POLR1C: variants seen among roughly 807,000 people sequenced by gnomAD.
POLR1C encodes RNA polymerase I and III subunit C.
POLR1C carries 42 observed loss-of-function variants against 38.3 expected under a neutral mutation model. The ratio of observed to expected loss-of-function variants is 1.10; its 90% CI spans 0.86 to 1.42. The LOEUF (loss-of-function observed/expected upper bound fraction) is 1.42, where lower values mean the gene tolerates loss of function less well. POLR1C is among the 40% of genes most tolerant of loss of function. POLR1C has a pLI of 0.00. For synonymous variants in POLR1C, 163 were observed against 163.9 expected (o/e 0.99, Z 0.04); for missense variants, 507 against 450.5 (o/e 1.13, Z -1.14).
At chr6:43,555,785 T>C in intron 10 of POLR1C, 1 of 1,609,350 alleles carries the variant, frequency 6.2e-7, no homozygotes, top group Non-Finnish European at 8.5e-7. Flanking sequence ...TATATATAGT[T>C]TTGATACTGT....
At chr6:43,562,136 GC>G in exon 11 of POLR1C, 1 of 728,180 alleles carries the variant, frequency 1.4e-6, no homozygotes, top group Non-Finnish European at 2.3e-6. Context: ...GTATGGCACT[GC>G]CCCATCAGGC....
chr6:43,524,399 C>T, downstream of POLR1C: 1 of 1,515,902 alleles, frequency 6.6e-7, no homozygotes, highest in South Asian at 1.3e-5. Flanking sequence ...ATAACTACAG[C>T]TGGTTTATGG....
chr6:43,534,069 T>C (rs1043101675), downstream of POLR1C: 11 of 1,344,472 alleles, frequency 8.2e-6, no homozygotes, highest in African/African-American at 1.6e-4. Context: ...GAGTGGGTTT[T>C]GCTTGTAATC....
Position 43,521,445 on chromosome 6 carries a change from G to A in POLR1C, c.*145G>A. On this transcript the variant is annotated 3_prime_UTR_variant, in exon 9 of 9. Transcript: ENST00000642195. ...TTAATCAATACATTTTGTTAAATGT[G>A]CCATAAAATGAGACTTTTTACGCCT... 2.0e-6 allele frequency: 3 copies of A among 1,518,894 alleles called. No homozygotes were observed. Among genetic ancestry groups the A allele is most frequent in the Non-Finnish European group, 1.8e-6 (2 of 1,135,502 alleles). The allele number at this position is 1,518,894 out of a possible 1,614,324, so 94.1% of individuals were successfully genotyped here. A position where few individuals can be genotyped will look rare whatever the true frequency, so the allele number is the denominator to read the frequency against.
At chr6:43,539,728 TACATTTTTCTATTCTTGGG>T in intron 9 of POLR1C, 1 of 622,076 alleles carries the variant, frequency 1.6e-6, no homozygotes, top group Non-Finnish European at 2.8e-6. Context: ...GAGAAGAAGC[TACATTTTTCTATTCTTGGG>T]AATAGTTTGT....
At chr6:43,522,802 G>C (rs79440262), downstream of POLR1C, 1 of 401,788 alleles carries the variant, frequency 2.5e-6, no homozygotes, top group Non-Finnish European at 5.5e-6. Flanking sequence ...TCTGCCTTAC[G>C]GCCAGTAATA....
In POLR1C at chr6:43,517,402, G is replaced by A. The variant is rs746435353; in HGVS notation, c.141+25G>A. 6.2e-6 allele frequency: 10 copies of A among 1,605,792 alleles called. No individual in the cohort carries two copies. The East Asian group carries it at 1.3e-4, about 21-fold the overall frequency. ...GGTAAGTGGGGCCGGAGTTGTCTGG[G>A]GAGGGTTATGAAGGCCAGACCTTGT... On this transcript the variant is annotated intron_variant, in intron 2 of 8. Transcript: ENST00000642195.
downstream of POLR1C, chr6:43,525,032 C>T (rs1036427409): frequency 1.9e-6 from 3 of 1,589,672 alleles, no homozygotes; most frequent in Non-Finnish European, 2.6e-6. Context: ...CACCCCAGTT[C>T]TTCTGAATGA....
chr6:43,546,763 A>G (rs1403217494), intron 9 of POLR1C: 5 of 1,555,878 alleles, frequency 3.2e-6, no homozygotes, highest in Admixed American at 2.2e-5. Context: ...CTATAGAAAA[A>G]TAAGAATGAC....
At chr6:43,525,554 A>G (rs1793531951), downstream of POLR1C, 4 of 526,004 alleles carry the variant, frequency 7.6e-6, no homozygotes, top group Non-Finnish European at 3.4e-6. Flanking sequence ...CTGTATGTGT[A>G]GGATGGAGAC....
intron 9 of POLR1C, chr6:43,538,733 T>A: frequency 2.0e-6 from 1 of 510,714 alleles, no homozygotes. Context: ...TCAAAATAAA[T>A]AAGCCTCATA....
At chr6:43,541,494 G>GA in intron 9 of POLR1C, among the ~76,000 whole-genome samples, 1 of 152,154 alleles carries the variant, frequency 6.6e-6, no homozygotes, top group South Asian at 2.1e-4. Context: ...TACTTTCAAA[G>GA]GGTTGCATAA....
At chr6:43,547,388 C>A (rs1399580571) in intron 9 of POLR1C, 3 of 629,632 alleles carry the variant, frequency 4.8e-6, no homozygotes, top group Admixed American at 4.6e-5. Context: ...ATCCTTAAAG[C>A]CAAAATAATG....
exon 11 of POLR1C, chr6:43,562,033 G>A (rs776048432): frequency 7.4e-6 from 3 of 405,800 alleles, no homozygotes; most frequent in East Asian, 7.9e-5. Flanking sequence ...GATATCTGAC[G>A]TTGGTATAAC....
downstream of POLR1C, chr6:43,531,663 G>T: frequency 8.6e-7 from 1 of 1,164,102 alleles, no homozygotes; most frequent in Non-Finnish European, 1.3e-6. Flanking sequence ...CTGTTGTTCA[G>T]GGGTGAAGAT....
intron 9 of POLR1C, among the ~76,000 whole-genome samples, chr6:43,540,693 C>T (rs140353976): frequency 8.9e-4 from 136 of 152,176 alleles, no homozygotes; most frequent in African/African-American, 2.8e-3. Flanking sequence ...GGTCTTGCTA[C>T]GTTGCCCAGG....
At chr6:43,551,295 T>C in intron 10 of POLR1C, 1 of 1,597,548 alleles carries the variant, frequency 6.3e-7, no homozygotes. Flanking sequence ...ATGGGCTTTA[T>C]ACCTTAGAGA....
chr6:43,540,584 T>C (rs887577358), intron 9 of POLR1C, among the ~76,000 whole-genome samples: 19 of 151,774 alleles, frequency 1.3e-4, no homozygotes, highest in African/African-American at 4.6e-4. Flanking sequence ...ACCTGGGAGG[T>C]AGAGGTTGAA....
At chr6:43,527,290 T>G (rs974907000) in intron 8 of POLR1C, 7 of 215,986 alleles carry the variant, frequency 3.2e-5, no homozygotes, top group Admixed American at 3.2e-4. Flanking sequence ...ACTTTTTTTT[T>G]GAGACGGAGT....
Sources: gnomAD v4.1 joint callset for allele counts (sites outside exome capture counted in the v4.1 genomes callset) on GRCh38, gnomAD v4.1.1 for gene constraint, MANE v1.5 for transcripts, NCBI Gene and HGNC (gene_info 2026-07-23, HGNC 2026-07-21) for gene names.